FAM120C: variants seen among roughly 807,000 people sequenced by gnomAD.
FAM120C encodes constitutive coactivator of PPAR-gamma-like protein 2.
FAM120C carries 14 observed loss-of-function variants against 71.2 expected under a neutral mutation model. The observed-to-expected ratio is 0.20, with a 90% confidence interval of 0.13 to 0.31. The LOEUF (loss-of-function observed/expected upper bound fraction) is 0.31. Ranked by LOEUF, FAM120C falls within the 10% of genes least tolerant of loss-of-function variation. The pLI is 1.00. For synonymous variants in FAM120C, 354 were observed against 353.2 expected, an observed-to-expected ratio of 1.00 and a Z score of -0.03; for missense variants, 500 against 879.0, an observed-to-expected ratio of 0.57 and a Z score of 5.45.
At chrX:54,163,721 A>G (rs1398519900) in intron 1 of FAM120C, among the ~76,000 whole-genome samples, 1 of 111,030 alleles carries the variant, frequency 9.0e-6, no homozygotes, top group East Asian at 2.8e-4. Flanking sequence ...CTCTGTTTAC[A>G]AATCCCAAGC....
At chrX:54,074,810 C>T (rs2066727371) in intron 15 of FAM120C, among the ~76,000 whole-genome samples, 1 of 112,316 alleles carries the variant, frequency 8.9e-6, no homozygotes, top group Non-Finnish European at 1.9e-5. Flanking sequence ...GCAGTGCTGG[C>T]TCTTAATGAA....
Position 54,132,892 on chromosome X carries a change from A to G in FAM120C, c.1891-29T>C, listed in dbSNP as rs185908489. 3.2e-3 allele frequency: 3,640 copies of G among 1,141,075 alleles called. 9 individuals carry two copies. Among genetic ancestry groups the G allele is most frequent in the Middle Eastern group, 4.1e-3 (17 of 4,099 alleles). 94.0% of individuals were successfully genotyped at this position (1,141,075 alleles called of 1,213,427 possible). ...ACAAGAGAACATTCCAGGGAAAAGGAAAAAATGAGTTACCTCAAGGTTTAG... is the reference window on the plus strand; with the variant it reads ...ACAAGAGAACATTCCAGGGAAAAGGGAAAAATGAGTTACCTCAAGGTTTAG... On this transcript the variant is annotated intron_variant, in intron 8 of 15. Coordinates refer to ENST00000375180, the MANE Select transcript of FAM120C (RefSeq NM_017848.6).
At chrX:54,075,388 T>C (rs958529227) in intron 15 of FAM120C, among the ~76,000 whole-genome samples, 47 of 111,981 alleles carry the variant, frequency 4.2e-4, no homozygotes, top group African/African-American at 1.5e-3. Flanking sequence ...CTGTGAAGTA[T>C]TGTCCAACAA....
At chrX:54,074,978 C>A (rs1418504052) in intron 15 of FAM120C, among the ~76,000 whole-genome samples, 4 of 110,902 alleles carry the variant, frequency 3.6e-5, no homozygotes, top group Non-Finnish European at 7.6e-5. Flanking sequence ...GGCAACATGG[C>A]GAAACCCCAT....
intron 15 of FAM120C, among the ~76,000 whole-genome samples, chrX:54,078,101 G>T (rs782451031): frequency 3.8e-5 from 4 of 104,049 alleles, no homozygotes; most frequent in Non-Finnish European, 7.9e-5. Flanking sequence ...CCGCTACCAC[G>T]CCCGGCTAAT....
At chrX:54,108,457 C>G (rs1364378834) in intron 10 of FAM120C, among the ~76,000 whole-genome samples, 1 of 110,513 alleles carries the variant, frequency 9.0e-6, no homozygotes, top group African/African-American at 3.3e-5. Flanking sequence ...AGTAAGGGCT[C>G]CTAAGGTGCA....
chrX:54,167,467 A>T, intron 1 of FAM120C, among the ~76,000 whole-genome samples: 2 of 111,871 alleles, frequency 1.8e-5, no homozygotes, highest in Middle Eastern at 9.1e-3. Flanking sequence ...CTGAACGACT[A>T]TCTATAGCTT....
chrX:54,092,419 C>T (rs2066828868), intron 10 of FAM120C, among the ~76,000 whole-genome samples: 1 of 110,014 alleles, frequency 9.1e-6, no homozygotes, highest in Non-Finnish European at 1.9e-5. Flanking sequence ...GTGGCGGGCA[C>T]CTGTAATCCC....
chrX:54,129,531 C>G (rs1380320865), intron 9 of FAM120C, among the ~76,000 whole-genome samples: 1 of 107,069 alleles, frequency 9.3e-6, no homozygotes, highest in Non-Finnish European at 1.9e-5. Context: ...TCCTCACTTT[C>G]CAGACTGGGC....
chrX:54,083,841 G>A (rs1396219975), intron 13 of FAM120C, among the ~76,000 whole-genome samples: 1 of 110,443 alleles, frequency 9.1e-6, no homozygotes, highest in Admixed American at 9.8e-5. Flanking sequence ...TCAGTCTCCC[G>A]AGTAGCTAGG....
intron 1 of FAM120C, chrX:54,171,420 C>A (rs1321677668): frequency 1.8e-5 from 2 of 112,065 alleles, no homozygotes; most frequent in Non-Finnish European, 1.9e-5. Context: ...AAATAAAAAA[C>A]ACACACACAG....
At chrX:54,171,142 C>T (rs939822649) in intron 1 of FAM120C, among the ~76,000 whole-genome samples, 11 of 111,864 alleles carry the variant, frequency 9.8e-5, no homozygotes, top group Non-Finnish European at 1.9e-4. Context: ...GGTGGGTAAT[C>T]CTAGCACTTT....
At chrX:54,110,105 C>G (rs1419258478) in intron 10 of FAM120C, among the ~76,000 whole-genome samples, 2 of 100,711 alleles carry the variant, frequency 2.0e-5, no homozygotes, top group African/African-American at 7.3e-5. Context: ...CAAGCTCTAC[C>G]TCCCGGGTTC....
intron 10 of FAM120C, among the ~76,000 whole-genome samples, chrX:54,097,067 G>A (rs1450187985): frequency 2.7e-5 from 3 of 112,089 alleles, no homozygotes; most frequent in Non-Finnish European, 5.6e-5. Flanking sequence ...CTCAGATAAT[G>A]TAAAGCCCCA....
At chrX:54,088,026 C>A in intron 11 of FAM120C, 62 bp from the exon 12 acceptor site, 1 of 945,653 alleles carries the variant, frequency 1.1e-6, no homozygotes, top group South Asian at 2.3e-5. Context: ...AACATTTACT[C>A]TTATTCCTGT....
rs782396231 is a variant in FAM120C, at chrX:54,170,722, C to CGTAA, written c.700-11107_700-11106insTTAC. On this transcript the variant is annotated intron_variant, in intron 1 of 15. Transcript: ENST00000375180. The stretch of plus-strand genomic sequence containing the variant: ...ACTTAATTCATACCCAATTCTAAGA[C>CGTAA]TTACAATTTATAATATAATAGCTGG... Among the ~76,000 whole-genome samples the CGTAA allele has an allele frequency of 5.5e-4, 62 of 111,780 alleles. 2 individuals carry two copies. The East Asian group carries it at 0.011, about 20-fold the overall frequency.
chrX:54,130,863 T>A (rs2067062747), intron 9 of FAM120C, among the ~76,000 whole-genome samples: 1 of 111,757 alleles, frequency 8.9e-6, no homozygotes, highest in East Asian at 2.8e-4. Context: ...TGTGGTGGGC[T>A]TATAATGGTC....
chrX:54,158,534 C>T (rs1056839645), intron 2 of FAM120C, among the ~76,000 whole-genome samples: 9 of 111,730 alleles, frequency 8.1e-5, no homozygotes, highest in African/African-American at 2.9e-4. Context: ...TTTGGGAGGC[C>T]GAGGCGGGTG....
chrX:54,124,901 G>A (rs2067017877), intron 9 of FAM120C, among the ~76,000 whole-genome samples: 1 of 111,879 alleles, frequency 8.9e-6, no homozygotes, highest in African/African-American at 3.2e-5. Flanking sequence ...GTTCAGTTTT[G>A]AGAGTTCTTT....
Sources: gnomAD v4.1 joint callset for allele counts (sites outside exome capture counted in the v4.1 genomes callset) on GRCh38, gnomAD v4.1.1 for gene constraint, MANE v1.5 for transcripts, NCBI Gene and HGNC (gene_info 2026-07-23, HGNC 2026-07-21) for gene names.